LGSN: variants seen among roughly 807,000 people sequenced by gnomAD.
LGSN encodes the protein lengsin.
A neutral mutation model predicts 19.5 loss-of-function variants in LGSN; 21 were observed. That is an observed-to-expected ratio of 1.07 (90% CI 0.76 to 1.55). The LOEUF (loss-of-function observed/expected upper bound fraction) is 1.55, where lower values mean the gene tolerates loss of function less well. Among genes scored for constraint, LGSN ranks in the 40% most tolerant of loss-of-function variants. The pLI is 0.00. For synonymous variants in LGSN, 257 were observed against 215.6 expected, an observed-to-expected ratio of 1.19 and a Z score of -1.68; for missense variants, 673 against 608.5, an observed-to-expected ratio of 1.11 and a Z score of -1.12.
chr6:63,511,724 G>A, the LGSN span, among the ~76,000 whole-genome samples: 1 of 152,032 alleles, frequency 6.6e-6, no homozygotes, highest in East Asian at 1.9e-4. Context: ...GTTTTGAATT[G>A]TCCCTCAGAA....
At chr6:63,556,102 T>G in the LGSN span, among the ~76,000 whole-genome samples, 1 of 152,196 alleles carries the variant, frequency 6.6e-6, no homozygotes, top group Admixed American at 6.5e-5. Context: ...AGTTCACATT[T>G]TGCAAATCTA....
the LGSN span, among the ~76,000 whole-genome samples, chr6:63,453,505 C>T: frequency 2.9e-4 from 44 of 151,814 alleles, no homozygotes; most frequent in African/African-American, 9.9e-4. Context: ...CAACTGATCC[C>T]TTTATTGTAA....
the LGSN span, among the ~76,000 whole-genome samples, chr6:63,509,691 A>G: frequency 6.6e-6 from 1 of 152,344 alleles, no homozygotes; most frequent in Admixed American, 6.5e-5. Flanking sequence ...CAGTTCCTAT[A>G]AACATAGGCA....
the LGSN span, among the ~76,000 whole-genome samples, chr6:63,362,274 G>A: frequency 6.6e-6 from 1 of 152,206 alleles, no homozygotes; most frequent in Non-Finnish European, 1.5e-5. Context: ...AACATCTTCA[G>A]TCTGCAGCTC....
At chr6:63,362,387 C>A in the LGSN span, among the ~76,000 whole-genome samples, 1 of 152,254 alleles carries the variant, frequency 6.6e-6, no homozygotes, top group African/African-American at 2.4e-5. Flanking sequence ...GCCCACAGAG[C>A]AGGGCGGGGC....
chr6:63,315,741 A>G (rs929443919), intron 1 of LGSN, among the ~76,000 whole-genome samples: 1 of 151,364 alleles, frequency 6.6e-6, no homozygotes, highest in Non-Finnish European at 1.5e-5. Context: ...AAATGCAGCA[A>G]CTTGACTGGC....
chr6:63,396,596 T>C, the LGSN span: 3 of 153,478 alleles, frequency 2.0e-5, no homozygotes, highest in African/African-American at 7.2e-5. Context: ...CTTTCAATAT[T>C]GGTGCTCCCC....
the LGSN span, among the ~76,000 whole-genome samples, chr6:63,344,912 A>G: frequency 2.9e-3 from 448 of 152,290 alleles, 3 homozygotes; most frequent in African/African-American, 0.01. Flanking sequence ...TAATGTGATT[A>G]TGTTAGAAAT....
the LGSN span, among the ~76,000 whole-genome samples, chr6:63,437,089 A>T: frequency 7.6e-6 from 1 of 131,524 alleles, no homozygotes; most frequent in Admixed American, 8.1e-5. Context: ...AGGGGAAGGG[A>T]AGGGAGGGAA....
intron 3 of LGSN, 103 bp downstream of exon 3, chr6:63,285,484 G>A (rs1303305156): frequency 1.1e-6 from 1 of 884,594 alleles, no homozygotes; most frequent in Non-Finnish European, 1.7e-6. Context: ...TTTTCAGCTT[G>A]AATTGCTGTA....
the LGSN span, among the ~76,000 whole-genome samples, chr6:63,447,659 C>T: frequency 1.2e-4 from 19 of 152,228 alleles, no homozygotes; most frequent in African/African-American, 4.3e-4. Context: ...TGTTAGCATC[C>T]TATTCATTTT....
At chr6:63,386,540 G>C in the LGSN span, among the ~76,000 whole-genome samples, 1 of 151,908 alleles carries the variant, frequency 6.6e-6, no homozygotes, top group Non-Finnish European at 1.5e-5. Flanking sequence ...CTTTTCGTCA[G>C]GTATTGATTT....
At chr6:63,346,947 T>A in the LGSN span, among the ~76,000 whole-genome samples, 2 of 152,136 alleles carry the variant, frequency 1.3e-5, no homozygotes, top group African/African-American at 4.8e-5. Flanking sequence ...GGGTAGCATC[T>A]CCTGGCGAAG....
the LGSN span, among the ~76,000 whole-genome samples, chr6:63,334,253 T>A: frequency 6.6e-6 from 1 of 152,108 alleles, no homozygotes; most frequent in African/African-American, 2.4e-5. Context: ...TCAAAAATGA[T>A]AAATTCAGCA....
chr6:63,481,349 A>ATTTTTTT, the LGSN span, among the ~76,000 whole-genome samples: 7,780 of 147,852 alleles, frequency 0.053, 747 homozygotes, highest in African/African-American at 0.19. Flanking sequence ...CCCAAAAGCT[A>ATTTTTTT]TTTTTTTTTT....
chr6:63,468,396 G>C, the LGSN span, among the ~76,000 whole-genome samples: 57 of 151,938 alleles, frequency 3.8e-4, no homozygotes, highest in African/African-American at 1.4e-3. Context: ...TCATAGTGCT[G>C]GGATTACAGG....
chr6:63,532,214 G>A, the LGSN span, among the ~76,000 whole-genome samples: 1 of 152,210 alleles, frequency 6.6e-6, no homozygotes, highest in African/African-American at 2.4e-5. Flanking sequence ...AATTGTTACT[G>A]AAATTTTGAA....
At chr6:63,322,069 T>G (rs1029905534), upstream of LGSN, among the ~76,000 whole-genome samples, 6 of 152,236 alleles carry the variant, frequency 3.9e-5, no homozygotes, top group Non-Finnish European at 7.3e-5. Flanking sequence ...TAAAGCTTAC[T>G]AAGTACCAAC....
At chr6:63,423,621 A>G in the LGSN span, among the ~76,000 whole-genome samples, 1 of 151,176 alleles carries the variant, frequency 6.6e-6, no homozygotes, top group East Asian at 1.9e-4. Flanking sequence ...GAGACCCTGT[A>G]TAAAGAGTAA....
Sources: allele counts gnomAD v4.1 joint callset (sites outside exome capture counted in the v4.1 genomes callset), GRCh38; gene constraint gnomAD v4.1.1; transcripts MANE v1.5; gene names NCBI Gene and HGNC (gene_info 2026-07-23, HGNC 2026-07-21).